The following CD82 variants were observed in gnomAD, a reference collection of about 807,000 sequenced individuals.
CD82 encodes CD82 antigen.
A neutral mutation model predicts 37.4 loss-of-function variants in CD82; 36 were observed. The observed-to-expected ratio is 0.96, with a 90% CI of 0.74 to 1.27. The LOEUF (loss-of-function observed/expected upper bound fraction) is 1.27, where lower values mean the gene tolerates loss of function less well. Ranked by LOEUF, CD82 falls within the 50% of genes most tolerant of loss-of-function variation. The probability of loss-of-function intolerance (pLI) is 0.00; values close to 1 mark genes in which losing one functional copy is unlikely to be tolerated. For missense variants in CD82, 340 were observed against 347.0 expected, an observed-to-expected ratio of 0.98 and a Z score of 0.16; for synonymous variants, 158 against 137.4, an observed-to-expected ratio of 1.15 and a Z score of -1.05.
rs980488013 is a variant in CD82, at chr11:44,619,769, A to C, written c.*643A>C. The C allele has an allele frequency of 2.7e-5, 4 of 150,468 alleles. No individual in the cohort carries two copies. Among genetic ancestry groups the C allele is most frequent in the African/African-American group, 9.8e-5 (4 of 40,906 alleles). The allele number at this position is 150,468 out of a possible 1,614,324, so 9.3% of individuals were successfully genotyped here. On this transcript the variant is annotated 3_prime_UTR_variant, in exon 10 of 10. Coordinates refer to ENST00000227155, the MANE Select transcript of CD82 (RefSeq NM_002231.4). The stretch of plus-strand genomic sequence containing the variant: ...ACAGAAAGAGACTCCGTCTCAAAAA[A>C]AAAAAAAAAAAAAAAAAAAATTGGG...
intron 7 of CD82, among the ~76,000 whole-genome samples, chr11:44,617,119 C>A (rs1336384827): frequency 6.6e-6 from 1 of 152,174 alleles, no homozygotes; most frequent in Non-Finnish European, 1.5e-5. Flanking sequence ...CAGGAACTGA[C>A]CCCTGCTGTG....
At chr11:44,604,930 C>A (rs116871136) in intron 4 of CD82, 128 bp from the exon 5 acceptor site, 41,046 of 1,332,400 alleles carry the variant, frequency 0.031, 765 homozygotes, top group Middle Eastern at 0.066. Flanking sequence ...AGTGAGAAGC[C>A]AGCAGGGGAA....
chr11:44,603,823 T>C (rs1853349896), intron 4 of CD82, among the ~76,000 whole-genome samples: 2 of 152,060 alleles, frequency 1.3e-5, no homozygotes, highest in Admixed American at 6.5e-5. Flanking sequence ...CTAAAGAGGG[T>C]CTTAGCCATC....
intron 1 of CD82, among the ~76,000 whole-genome samples, chr11:44,585,663 G>A (rs1017801377): frequency 3.9e-5 from 6 of 152,348 alleles, no homozygotes; most frequent in Non-Finnish European, 5.9e-5. Context: ...AGGGGTGGGA[G>A]CCAAGGGCCG....
At position 44,620,247 on chromosome 11, in the gene CD82, G is replaced by T. The variant is rs561007915; in HGVS notation, c.*1121G>T. The T allele has an allele frequency of 8.6e-5, 13 of 150,710 alleles. No homozygotes were observed. The highest frequency in any genetic ancestry group is 4.0e-4 in the East Asian group (2 of 5,038). 9.3% of individuals were successfully genotyped at this position (150,710 alleles called of 1,614,324 possible). A position where few individuals can be genotyped will look rare whatever the true frequency, so the allele number is the denominator to read the frequency against. ...GGCAAGCGGTCCTCTGGCCCCTGGG[G>T]AGTGGGGTGGGTGAGGCTGTGCCTT... is the stretch of plus-strand genomic sequence containing the variant. On this transcript the variant is annotated 3_prime_UTR_variant, in exon 10 of 10. Transcript: ENST00000227155.
chr11:44,618,465 T>C, intron 8 of CD82, 100 bp downstream of exon 8: 1 of 1,159,936 alleles, frequency 8.6e-7, no homozygotes, highest in Non-Finnish European at 1.3e-6. Context: ...TTCCTTCCCT[T>C]AATTCATCTG....
intron 1 of CD82, among the ~76,000 whole-genome samples, chr11:44,578,955 A>G (rs1260314790): frequency 6.6e-6 from 1 of 151,926 alleles, no homozygotes; most frequent in Non-Finnish European, 1.5e-5. Context: ...AGGGGATTGG[A>G]TGGGGCTGTT....
intron 1 of CD82, among the ~76,000 whole-genome samples, chr11:44,585,611 G>T (rs1853042884): frequency 6.6e-6 from 1 of 152,218 alleles, no homozygotes; most frequent in South Asian, 2.1e-4. Flanking sequence ...GAGCAGCTCT[G>T]CAGTGTTTCC....
intron 6 of CD82, among the ~76,000 whole-genome samples, chr11:44,614,992 G>T (rs1200415862): frequency 6.6e-6 from 1 of 152,196 alleles, no homozygotes; most frequent in African/African-American, 2.4e-5. Flanking sequence ...GGTGGGAACT[G>T]CCCTGGAGGT....
At chr11:44,587,319 A>G (rs1226860084) in intron 1 of CD82, 156 bp from the exon 2 acceptor site, 3 of 414,272 alleles carry the variant, frequency 7.2e-6, no homozygotes, top group East Asian at 7.2e-5. Context: ...AAGAGGCTAC[A>G]TGAGCCTGTG....
intron 9 of CD82, 127 bp downstream of exon 9, chr11:44,618,850 G>T: frequency 4.6e-6 from 4 of 876,284 alleles, no homozygotes; most frequent in Non-Finnish European, 5.4e-6. Flanking sequence ...AGGCCCTCTG[G>T]TCTGAGCACT....
chr11:44,589,838 G>A (rs551925610), intron 2 of CD82, among the ~76,000 whole-genome samples: 2 of 151,164 alleles, frequency 1.3e-5, no homozygotes, highest in South Asian at 4.2e-4. Context: ...CTGCCTCTTC[G>A]TTTTGTTTTT....
chr11:44,594,658 G>A lies in CD82; in HGVS notation c.-5G>A, dbSNP rs1253166809. ...TCTCTTCCAGGAAGCTCCAGGACTG[G>A]CGGGATGGGCTCAGCCTGTATCAAA... is the stretch of plus-strand genomic sequence containing the variant. On this transcript the variant is annotated 5_prime_UTR_variant, in exon 3 of 10. Coordinates refer to ENST00000227155, the MANE Select transcript of CD82 (RefSeq NM_002231.4). 1 of 1,613,236 alleles carries A rather than the reference G, an allele frequency of 6.2e-7. No homozygotes were observed. Among genetic ancestry groups the A allele is most frequent in the Admixed American group, 1.7e-5 (1 of 60,026 alleles).
intron 1 of CD82, among the ~76,000 whole-genome samples, chr11:44,571,514 C>T (rs1275632317): frequency 6.6e-6 from 1 of 152,222 alleles, no homozygotes; most frequent in Non-Finnish European, 1.5e-5. Context: ...GCATTTAAGA[C>T]AGCGCCTGGC....
At chr11:44,604,333 G>C (rs926590583) in intron 4 of CD82, 1 of 155,248 alleles carries the variant, frequency 6.4e-6, no homozygotes, top group Non-Finnish European at 1.4e-5. Flanking sequence ...TGCATCAGTG[G>C]AAAGAGTGTG....
chr11:44,596,799 T>A, intron 3 of CD82: 2 of 416,438 alleles, frequency 4.8e-6, no homozygotes, highest in Non-Finnish European at 9.8e-6. Context: ...CATCTTCAGA[T>A]GTTCAGGGCG....
chr11:44,598,844 T>C (rs1033034456), intron 3 of CD82, among the ~76,000 whole-genome samples: 1 of 152,174 alleles, frequency 6.6e-6, no homozygotes, highest in Non-Finnish European at 1.5e-5. Flanking sequence ...GGATGATGGC[T>C]GAGGTGGGAA....
chr11:44,619,529 G>A lies in CD82; in HGVS notation c.*403G>A, dbSNP rs113805595. On this transcript the variant is annotated 3_prime_UTR_variant, in exon 10 of 10. Transcript: ENST00000227155. ...TGTAATCCCAGCACTTTGGGAGGCC[G>A]AGGCGGGTGGATCACGAGGTCAGGA... The A allele has an allele frequency of 1.7e-3, 278 of 160,628 alleles. No homozygotes were observed. The highest frequency in any genetic ancestry group is 5.6e-3 in the African/African-American group (235 of 41,738). 10.0% of individuals were successfully genotyped at this position (160,628 alleles called of 1,614,324 possible).
At chr11:44,582,341 C>A (rs744630) in intron 1 of CD82, among the ~76,000 whole-genome samples, 1 of 152,068 alleles carries the variant, frequency 6.6e-6, no homozygotes, top group Non-Finnish European at 1.5e-5. Flanking sequence ...TCTGCAGGAA[C>A]CCTGTGTCCA....
Sources: gnomAD v4.1 joint callset for allele counts (sites outside exome capture counted in the v4.1 genomes callset) on GRCh38, gnomAD v4.1.1 for gene constraint, MANE v1.5 for transcripts, NCBI Gene and HGNC (gene_info 2026-07-23, HGNC 2026-07-21) for gene names.